LRMDA: variants seen among roughly 807,000 people sequenced by gnomAD.
LRMDA encodes leucine-rich melanocyte differentiation-associated protein.
LRMDA carries 18 observed loss-of-function variants against 29.8 expected under a neutral mutation model. The observed-to-expected ratio is 0.60, with a 90% CI of 0.42 to 0.90. The LOEUF is 0.90. Ranked by LOEUF, LRMDA falls within the 40% of genes least tolerant of loss-of-function variation. LRMDA has a pLI of 0.00. For synonymous variants in LRMDA, 125 were observed against 109.4 expected (o/e 1.14, Z -0.89); for missense variants, 273 against 273.9 (o/e 1.00, Z 0.02).
intron 2 of LRMDA, among the ~76,000 whole-genome samples, chr10:75,916,036 T>A (rs1448446240): frequency 1.3e-5 from 2 of 152,136 alleles, no homozygotes; most frequent in African/African-American, 4.8e-5. Flanking sequence ...TGGTATTAAT[T>A]GTGTCCAGGA....
chr10:76,142,165 G>A (rs969040567), intron 5 of LRMDA, among the ~76,000 whole-genome samples: 1 of 152,022 alleles, frequency 6.6e-6, no homozygotes, highest in Non-Finnish European at 1.5e-5. Context: ...ATCCCCTAAT[G>A]TAGATGATTT....
chr10:75,648,863 A>G (rs1046898603), intron 2 of LRMDA, among the ~76,000 whole-genome samples: 1 of 152,192 alleles, frequency 6.6e-6, no homozygotes, highest in Admixed American at 6.5e-5. Flanking sequence ...CATATCAAAA[A>G]TGAAGAAACA....
chr10:76,358,428 A>C lies in LRMDA; in HGVS notation c.601+33943A>C, dbSNP rs114751427. Among the ~76,000 whole-genome samples the C allele has an allele frequency of 2.9e-3, 436 of 152,352 alleles. 1 individual carries two copies. The highest frequency in any genetic ancestry group is 9.9e-3 in the African/African-American group (413 of 41,582). ...ATTATGCACAGCGTTTCCTCTTGGC[A>C]TTAAGTGCTTGTGAGCCTAACAGCA... On this transcript the variant is annotated intron_variant, in intron 6 of 6. Coordinates refer to ENST00000611255, the MANE Select transcript of LRMDA (RefSeq NM_001305581.2).
chr10:76,421,359 T>C (rs570056274), intron 6 of LRMDA, among the ~76,000 whole-genome samples: 310 of 152,298 alleles, frequency 2.0e-3, no homozygotes, highest in Middle Eastern at 3.4e-3. Context: ...TAGTATTTGC[T>C]TTGTGTAGTT....
At chr10:75,623,088 G>A (rs1340343497) in intron 2 of LRMDA, among the ~76,000 whole-genome samples, 1 of 152,194 alleles carries the variant, frequency 6.6e-6, no homozygotes, top group African/African-American at 2.4e-5. Flanking sequence ...AATAAAACAT[G>A]CTGAAGCACC....
At chr10:76,416,056 A>G (rs1842011084) in intron 6 of LRMDA, among the ~76,000 whole-genome samples, 1 of 152,218 alleles carries the variant, frequency 6.6e-6, no homozygotes, top group Non-Finnish European at 1.5e-5. Context: ...TTTGTATCAT[A>G]TGGAAACACT....
At chr10:75,586,617 G>A (rs1020414361) in intron 2 of LRMDA, among the ~76,000 whole-genome samples, 5 of 152,178 alleles carry the variant, frequency 3.3e-5, no homozygotes, top group Admixed American at 3.3e-4. Context: ...TGGGAGTACA[G>A]ACATGAGGCA....
intron 2 of LRMDA, among the ~76,000 whole-genome samples, chr10:75,570,291 TA>T (rs1222052564): frequency 6.6e-6 from 1 of 152,230 alleles, no homozygotes; most frequent in Non-Finnish European, 1.5e-5. Context: ...AAAAGCACTA[TA>T]CTGATCTATT....
At chr10:76,512,930 G>A (rs942228256) in intron 6 of LRMDA, among the ~76,000 whole-genome samples, 2 of 152,026 alleles carry the variant, frequency 1.3e-5, no homozygotes, top group Non-Finnish European at 2.9e-5. Context: ...ATTGGGTTAG[G>A]TCATATCTAC....
At chr10:75,568,101 G>C (rs1042624941) in intron 2 of LRMDA, among the ~76,000 whole-genome samples, 1 of 152,218 alleles carries the variant, frequency 6.6e-6, no homozygotes, top group African/African-American at 2.4e-5. Context: ...AGCATGACCA[G>C]AGTCACTTGG....
Position 76,053,207 on chromosome 10 carries a change from CT to C in LRMDA, c.399-5456del, listed in dbSNP as rs561008886. 2.4e-4 allele frequency among the ~76,000 whole-genome samples: 37 copies of C among 152,300 alleles called. 1 individual carries two copies. The South Asian group carries it at 7.7e-3, about 32-fold the overall frequency. ...ATAAGTTTAGTGCCCTTTTGTTGTACTTTACCTTCAAAACAAACTGATTGAA... is the reference window on the plus strand; with the variant it reads ...ATAAGTTTAGTGCCCTTTTGTTGTACTTACCTTCAAAACAAACTGATTGAA... On this transcript the variant is annotated intron_variant, in intron 4 of 6. Transcript: ENST00000611255.
chr10:75,629,412 A>G (rs1046617772), intron 2 of LRMDA, among the ~76,000 whole-genome samples: 14 of 152,154 alleles, frequency 9.2e-5, no homozygotes, highest in African/African-American at 3.4e-4. Context: ...GTAATTTTAA[A>G]ACATGTTCTC....
chr10:76,296,279 T>C (rs1434271070), intron 5 of LRMDA, among the ~76,000 whole-genome samples: 1 of 152,226 alleles, frequency 6.6e-6, no homozygotes, highest in Non-Finnish European at 1.5e-5. Context: ...GTCATCTCTG[T>C]TATGAGGCCA....
At chr10:76,211,192 A>C (rs1851627677) in intron 5 of LRMDA, among the ~76,000 whole-genome samples, 1 of 152,340 alleles carries the variant, frequency 6.6e-6, no homozygotes, top group South Asian at 2.1e-4. Flanking sequence ...GCACCTATCA[A>C]CATCCTACAG....
intron 2 of LRMDA, among the ~76,000 whole-genome samples, chr10:75,907,642 G>C (rs1845778466): frequency 6.6e-6 from 1 of 152,196 alleles, no homozygotes; most frequent in Non-Finnish European, 1.5e-5. Context: ...AGTAGCGTTA[G>C]AGTGGAGCTG....
At chr10:76,347,758 A>G (rs893630099) in intron 6 of LRMDA, among the ~76,000 whole-genome samples, 7 of 152,190 alleles carry the variant, frequency 4.6e-5, no homozygotes, top group African/African-American at 1.2e-4. Context: ...CACCAAGCAT[A>G]ATGATAATGG....
chr10:76,097,566 G>T (rs566796417), intron 5 of LRMDA, among the ~76,000 whole-genome samples: 1 of 152,132 alleles, frequency 6.6e-6, no homozygotes, highest in Non-Finnish European at 1.5e-5. Flanking sequence ...TTTTGCAAAC[G>T]TCCTCTATCA....
chr10:75,868,596 TTGAA>T (rs1373352251), intron 2 of LRMDA, among the ~76,000 whole-genome samples: 1 of 152,230 alleles, frequency 6.6e-6, no homozygotes, highest in African/African-American at 2.4e-5. Flanking sequence ...GAATCAGAAT[TTGAA>T]TGGTGTAAAG....
chr10:76,532,282 T>G (rs961200070), intron 6 of LRMDA, among the ~76,000 whole-genome samples: 1 of 152,228 alleles, frequency 6.6e-6, no homozygotes, highest in Non-Finnish European at 1.5e-5. Context: ...CACAAACCTC[T>G]ACTTTTAATC....
Sources: gnomAD v4.1 joint callset for allele counts (sites outside exome capture counted in the v4.1 genomes callset) on GRCh38, gnomAD v4.1.1 for gene constraint, MANE v1.5 for transcripts, NCBI Gene and HGNC (gene_info 2026-07-23, HGNC 2026-07-21) for gene names.